SOX5: variants seen among roughly 807,000 people sequenced by gnomAD.
The protein encoded by SOX5 is transcription factor SOX-5.
SOX5 carries 9 observed loss-of-function variants against 92.0 expected under a neutral mutation model. That is an observed-to-expected ratio of 0.10 (90% CI 0.06 to 0.17). The LOEUF (loss-of-function observed/expected upper bound fraction) is 0.17, where lower values mean the gene tolerates loss of function less well. Ranked by LOEUF, SOX5 falls within the 10% of genes least tolerant of loss-of-function variation. The pLI, the probability that SOX5 is intolerant of heterozygous loss-of-function variation, is 1.00. For missense variants in SOX5, 642 were observed against 944.5 expected, an observed-to-expected ratio of 0.68 and a Z score of 4.20; for synonymous variants, 344 against 336.3, an observed-to-expected ratio of 1.02 and a Z score of -0.25.
intron 3 of SOX5, among the ~76,000 whole-genome samples, chr12:24,254,798 TA>T (rs1388412585): frequency 6.6e-6 from 1 of 152,046 alleles, no homozygotes; most frequent in South Asian, 2.1e-4. Context: ...TAATGTTATT[TA>T]TGATCTTTCT....
intron 4 of SOX5, among the ~76,000 whole-genome samples, chr12:24,124,525 T>C (rs17408900): frequency 0.13 from 18,728 of 147,718 alleles, 1,349 homozygotes; most frequent in Admixed American, 0.19. Flanking sequence ...CCTTCCATTA[T>C]GCAAATGTTC....
At chr12:23,619,815 T>C (rs916737544) in intron 8 of SOX5, among the ~76,000 whole-genome samples, 6 of 152,158 alleles carry the variant, frequency 3.9e-5, no homozygotes, top group African/African-American at 9.6e-5. Context: ...ATTTAAGTAA[T>C]TGTAGGAAAC....
At chr12:24,041,279 C>A (rs1456386440) in intron 4 of SOX5, among the ~76,000 whole-genome samples, 1 of 152,086 alleles carries the variant, frequency 6.6e-6, no homozygotes, top group African/African-American at 2.4e-5. Flanking sequence ...TGATACTAAT[C>A]TTAGATATTC....
intron 3 of SOX5, among the ~76,000 whole-genome samples, chr12:23,788,173 A>G (rs763984412): frequency 1.3e-5 from 2 of 152,038 alleles, no homozygotes; most frequent in Non-Finnish European, 2.9e-5. Context: ...TTCAAAAATA[A>G]AAATAAATTT....
intron 3 of SOX5, among the ~76,000 whole-genome samples, chr12:24,231,857 T>C (rs1963471685): frequency 6.6e-6 from 1 of 152,232 alleles, no homozygotes. Context: ...TTGAATGATA[T>C]ATATCAAAGT....
At chr12:24,147,327 G>T (rs1321754329) in intron 4 of SOX5, among the ~76,000 whole-genome samples, 1 of 152,050 alleles carries the variant, frequency 6.6e-6, no homozygotes, top group East Asian at 1.9e-4. Flanking sequence ...AAACTACAAA[G>T]AAAAACTATG....
intron 4 of SOX5, among the ~76,000 whole-genome samples, chr12:24,162,508 T>A (rs1362932947): frequency 6.6e-6 from 1 of 152,044 alleles, no homozygotes; most frequent in African/African-American, 2.4e-5. Flanking sequence ...TGCCATAGAG[T>A]AAGGAGAAAT....
At chr12:24,097,985 C>T (rs1252510799) in intron 4 of SOX5, among the ~76,000 whole-genome samples, 1 of 152,118 alleles carries the variant, frequency 6.6e-6, no homozygotes, top group Non-Finnish European at 1.5e-5. Context: ...TATTCTATGT[C>T]ACATCTATGA....
At chr12:23,698,165 G>A (rs116821497) in intron 6 of SOX5, among the ~76,000 whole-genome samples, 204 of 151,820 alleles carry the variant, frequency 1.3e-3, no homozygotes, top group African/African-American at 4.4e-3. Flanking sequence ...CTGTATAGAT[G>A]GTTTTTTTAA....
chr12:23,930,084 T>G (rs998505875), intron 1 of SOX5, among the ~76,000 whole-genome samples: 6 of 151,832 alleles, frequency 4.0e-5, no homozygotes, highest in African/African-American at 1.4e-4. Context: ...CTTAGTGGAA[T>G]GAAGGGCATT....
At chr12:24,470,211 T>G (rs1944656070) in intron 1 of SOX5, among the ~76,000 whole-genome samples, 1 of 152,202 alleles carries the variant, frequency 6.6e-6, no homozygotes, top group Non-Finnish European at 1.5e-5. Context: ...GTACTTTGAA[T>G]TTGATTGCCC....
chr12:24,356,797 T>C (rs1954887560), intron 2 of SOX5, among the ~76,000 whole-genome samples: 1 of 152,250 alleles, frequency 6.6e-6, no homozygotes. Flanking sequence ...AAAAAACCTC[T>C]GAATGTAATT....
chr12:23,681,383 A>T (rs2086603772), intron 6 of SOX5, among the ~76,000 whole-genome samples: 3 of 151,984 alleles, frequency 2.0e-5, no homozygotes, highest in Non-Finnish European at 4.4e-5. Flanking sequence ...AGAAAGTATG[A>T]ATTAAATGAC....
intron 4 of SOX5, among the ~76,000 whole-genome samples, chr12:24,158,576 C>T (rs1378648374): frequency 6.6e-6 from 1 of 151,940 alleles, no homozygotes; most frequent in Non-Finnish European, 1.5e-5. Flanking sequence ...GCTTTTTAGA[C>T]ATACTTTCAA....
intron 4 of SOX5, among the ~76,000 whole-genome samples, chr12:24,151,102 T>C (rs1270964356): frequency 2.0e-5 from 3 of 152,092 alleles, no homozygotes; most frequent in African/African-American, 7.2e-5. Context: ...GTGTAACTTA[T>C]TAATGTATTT....
chr12:23,584,258 T>A (rs1377460799), intron 9 of SOX5, among the ~76,000 whole-genome samples: 1 of 151,978 alleles, frequency 6.6e-6, no homozygotes, highest in African/African-American at 2.4e-5. Flanking sequence ...AAACCACTGA[T>A]GAAAATATTA....
At chr12:23,833,922 G>A (rs1022267285) in intron 3 of SOX5, among the ~76,000 whole-genome samples, 3 of 151,962 alleles carry the variant, frequency 2.0e-5, no homozygotes, top group Admixed American at 6.6e-5. Flanking sequence ...GCTACAAAAT[G>A]TCAATTAGTA....
At chr12:24,035,303 C>T (rs757222494) in intron 4 of SOX5, among the ~76,000 whole-genome samples, 26 of 152,054 alleles carry the variant, frequency 1.7e-4, no homozygotes, top group Non-Finnish European at 3.1e-4. Context: ...ATGATAACAA[C>T]CACAGTTTGC....
chr12:24,306,300 T>C (rs1948556830), intron 2 of SOX5, among the ~76,000 whole-genome samples: 1 of 152,178 alleles, frequency 6.6e-6, no homozygotes, highest in Non-Finnish European at 1.5e-5. Context: ...GGCACAGCAG[T>C]TCAAAGCTTG....
Sources: allele counts gnomAD v4.1 joint callset (sites outside exome capture counted in the v4.1 genomes callset), GRCh38; gene constraint gnomAD v4.1.1; transcripts MANE v1.5; gene names NCBI Gene and HGNC (gene_info 2026-07-23, HGNC 2026-07-21).